The following ATXN7L1 variants were observed in gnomAD, a reference collection of about 807,000 sequenced individuals.
ATXN7L1 encodes the protein ataxin-7-like protein 1.
ATXN7L1 carries 15 observed loss-of-function variants against 70.8 expected under a neutral mutation model. The observed-to-expected ratio is 0.21, with a 90% confidence interval of 0.14 to 0.33. ATXN7L1 has a LOEUF of 0.33. Ranked by LOEUF, ATXN7L1 falls within the 10% of genes least tolerant of loss-of-function variation. The pLI is 1.00. For synonymous variants in ATXN7L1, 440 were observed against 445.1 expected (o/e 0.99, Z 0.14); for missense variants, 975 against 1,097.1 (o/e 0.89, Z 1.57).
At chr7:105,632,822 G>A (rs1326783412) in intron 7 of ATXN7L1, among the ~76,000 whole-genome samples, 1 of 149,556 alleles carries the variant, frequency 6.7e-6, no homozygotes, top group Non-Finnish European at 1.5e-5. Context: ...TTGGGAGACT[G>A]AGGTGGGAGG....
chr7:105,748,854 A>G (rs746940173), intron 3 of ATXN7L1, among the ~76,000 whole-genome samples: 11 of 152,228 alleles, frequency 7.2e-5, no homozygotes, highest in Non-Finnish European at 1.3e-4. Context: ...AGCAGGGCAC[A>G]CTAAAGTAAA....
chr7:105,624,434 G>A (rs1410483942), intron 7 of ATXN7L1, among the ~76,000 whole-genome samples, 167 bp from the exon 8 acceptor site: 2 of 152,160 alleles, frequency 1.3e-5, no homozygotes, highest in South Asian at 2.1e-4. Flanking sequence ...GGCAGATGAC[G>A]AGGTCAGGAG....
At chr7:105,727,022 C>T (rs1795893331) in intron 3 of ATXN7L1, among the ~76,000 whole-genome samples, 1 of 152,222 alleles carries the variant, frequency 6.6e-6, no homozygotes, top group African/African-American at 2.4e-5. Flanking sequence ...TAGAAATAAA[C>T]ATTAAGACAA....
At chr7:105,875,515 C>G (rs565643414) in intron 2 of ATXN7L1, among the ~76,000 whole-genome samples, 1 of 151,928 alleles carries the variant, frequency 6.6e-6, no homozygotes. Flanking sequence ...AACGCCCCAC[C>G]ATTTGGCAAT....
At chr7:105,760,705 G>C in intron 3 of ATXN7L1, 1 of 349,036 alleles carries the variant, frequency 2.9e-6, no homozygotes. Context: ...TCATCTAGTT[G>C]TGAAAATTAG....
intron 2 of ATXN7L1, chr7:105,819,538 T>A: frequency 7.2e-7 from 1 of 1,385,584 alleles, no homozygotes; most frequent in Non-Finnish European, 1.0e-6. Context: ...GGCCATCTCC[T>A]GGGCCGCCTG....
chr7:105,863,640 C>T (rs1033818323), intron 2 of ATXN7L1, among the ~76,000 whole-genome samples: 1 of 152,146 alleles, frequency 6.6e-6, no homozygotes, highest in African/African-American at 2.4e-5. Context: ...ATCAGCCTGC[C>T]TTGGGGTTCA....
At chr7:105,689,606 T>C (rs2116190419) in intron 3 of ATXN7L1, among the ~76,000 whole-genome samples, 1 of 152,214 alleles carries the variant, frequency 6.6e-6, no homozygotes, top group Non-Finnish European at 1.5e-5. Flanking sequence ...CTTGACACCT[T>C]ACGAAGGTGG....
chr7:105,694,949 C>T (rs71562673), intron 3 of ATXN7L1, among the ~76,000 whole-genome samples: 8 of 152,188 alleles, frequency 5.3e-5, no homozygotes, highest in Non-Finnish European at 7.3e-5. Flanking sequence ...GTCAGGAGTT[C>T]GAAACCAGCC....
At chr7:105,761,216 T>C in intron 3 of ATXN7L1, 2 of 1,451,330 alleles carry the variant, frequency 1.4e-6, no homozygotes, top group Non-Finnish European at 1.8e-6. Flanking sequence ...ATTTCCTTAC[T>C]AGATCCTGAC....
At chr7:105,658,122 T>A (rs997202382) in intron 4 of ATXN7L1, among the ~76,000 whole-genome samples, 1 of 151,770 alleles carries the variant, frequency 6.6e-6, no homozygotes, top group Non-Finnish European at 1.5e-5. Context: ...TTCTAAGAAA[T>A]GCAATGAGAG....
At position 105,665,194 on chromosome 7, in the gene ATXN7L1, G is replaced by A. The variant is rs1183858873; in HGVS notation, c.450C>T (p.Ala150=). ...TGGCAGAGTGATGGCCGCTGAGACAGGCTTTTGTTTTCACCTGTACTAGTG... is the reference window on the plus strand; with the variant it reads ...TGGCAGAGTGATGGCCGCTGAGACAAGCTTTTGTTTTCACCTGTACTAGTG... ...RTSLVQVKTK[A]CLSGHHSASS... Residue 150 remains alanine (A), a synonymous_variant, in exon 4 of 12, where the codon GCC becomes GCT. Transcript: ENST00000419735. 3.2e-6 allele frequency: 5 copies of A among 1,551,586 alleles called. No individual in the cohort carries two copies. In the Admixed American group the frequency reaches 9.8e-5, roughly 30 times the overall value.
At chr7:105,784,098 A>G (rs1803919585) in intron 3 of ATXN7L1, among the ~76,000 whole-genome samples, 1 of 152,160 alleles carries the variant, frequency 6.6e-6, no homozygotes, top group Non-Finnish European at 1.5e-5. Context: ...AGTAGCTGGG[A>G]CAACAGGCAC....
chr7:105,776,239 C>T (rs555219796), intron 3 of ATXN7L1, among the ~76,000 whole-genome samples: 1 of 152,146 alleles, frequency 6.6e-6, no homozygotes, highest in Non-Finnish European at 1.5e-5. Context: ...CAGCGAGAGC[C>T]CTCCAGCAAT....
chr7:105,708,134 A>G (rs910390614), intron 3 of ATXN7L1, among the ~76,000 whole-genome samples: 1 of 152,206 alleles, frequency 6.6e-6, no homozygotes, highest in African/African-American at 2.4e-5. Flanking sequence ...GAAGGGAGGA[A>G]GAAGGAGGAG....
intron 2 of ATXN7L1, among the ~76,000 whole-genome samples, chr7:105,824,491 A>T (rs1810586237): frequency 6.6e-6 from 1 of 152,182 alleles, no homozygotes; most frequent in Non-Finnish European, 1.5e-5. Flanking sequence ...CAACGGTAAG[A>T]AAAAAAGCAG....
chr7:105,814,073 T>C (rs1460675222), intron 2 of ATXN7L1, among the ~76,000 whole-genome samples: 2 of 152,162 alleles, frequency 1.3e-5, no homozygotes, highest in Non-Finnish European at 2.9e-5. Flanking sequence ...AGGAAATCAG[T>C]CTAATAAAAC....
intron 3 of ATXN7L1, among the ~76,000 whole-genome samples, chr7:105,689,469 A>C (rs897684159): frequency 2.0e-5 from 3 of 152,214 alleles, no homozygotes; most frequent in African/African-American, 4.8e-5. Flanking sequence ...CAGCTCCAAC[A>C]TAAAGGCCTA....
chr7:105,730,502 G>A (rs191384701), intron 3 of ATXN7L1, among the ~76,000 whole-genome samples: 37 of 152,336 alleles, frequency 2.4e-4, no homozygotes, highest in African/African-American at 8.7e-4. Context: ...GGAGGCCGAG[G>A]CAAGTGGATC....
Sources: allele counts gnomAD v4.1 joint callset (sites outside exome capture counted in the v4.1 genomes callset), GRCh38; gene constraint gnomAD v4.1.1; transcripts MANE v1.5; gene names NCBI Gene and HGNC (gene_info 2026-07-23, HGNC 2026-07-21).